EPHA4: variants seen among roughly 807,000 people sequenced by gnomAD.
EPHA4 encodes ephrin type-A receptor 4.
Under a neutral mutation model 108.3 loss-of-function variants are expected in EPHA4, and 19 were observed. That is an observed-to-expected ratio of 0.18 (90% CI 0.12 to 0.26). The LOEUF is 0.26. Among genes scored for constraint, EPHA4 ranks in the 10% least tolerant of loss-of-function variants. EPHA4 has a pLI of 1.00. For synonymous variants in EPHA4, 449 were observed against 455.5 expected (o/e 0.99, Z 0.18); for missense variants, 917 against 1,254.0 (o/e 0.73, Z 4.06).
At chr2:221,544,112 A>G (rs1019567589) in intron 3 of EPHA4, among the ~76,000 whole-genome samples, 51 of 152,102 alleles carry the variant, frequency 3.4e-4, no homozygotes, top group African/African-American at 1.2e-3. Context: ...CATGACCTAA[A>G]CGCCAACCAA....
intron 5 of EPHA4, among the ~76,000 whole-genome samples, chr2:221,472,889 A>G (rs1691534027): frequency 6.6e-6 from 1 of 152,198 alleles, no homozygotes; most frequent in Non-Finnish European, 1.5e-5. Flanking sequence ...GTTCGTTTAG[A>G]TCAGGCCTAC....
chr2:221,561,485 A>G (rs1458038444), intron 3 of EPHA4, among the ~76,000 whole-genome samples: 1 of 152,154 alleles, frequency 6.6e-6, no homozygotes, highest in East Asian at 1.9e-4. Flanking sequence ...ACACCTGAAA[A>G]CACTGAAGTT....
At position 221,434,220 on chromosome 2, in the gene EPHA4, A is replaced by G; in HGVS notation, c.2418T>C (p.Asp806=). The change falls in exon 14 of 18, where the codon GAT becomes GAC. Residue 806 remains aspartate (D), a synonymous_variant. Transcript: ENST00000281821. Reference sequence around the variant, plus strand: ...ACATAACGATTCCATAGCTCCATACATCACTTGCTGATGTGAATTTACGAT... The same window carrying G: ...ACATAACGATTCCATAGCTCCATACGTCACTTGCTGATGTGAATTTACGAT... The part of the protein sequence containing the change: ...IAYRKFTSAS[D]VWSYGIVMWE... 3 of 1,614,138 alleles carry G rather than the reference A, an allele frequency of 1.9e-6. No homozygotes were observed. The highest frequency in any genetic ancestry group is 1.7e-6 in the Non-Finnish European group (2 of 1,180,006).
chr2:221,519,478 G>A (rs752859646), intron 3 of EPHA4, among the ~76,000 whole-genome samples: 3 of 152,222 alleles, frequency 2.0e-5, no homozygotes, highest in Admixed American at 6.5e-5. Flanking sequence ...GTTGAGATGA[G>A]AAAGGGGCAA....
chr2:221,502,538 A>G (rs903991771), intron 3 of EPHA4: 2 of 471,404 alleles, frequency 4.2e-6, no homozygotes, highest in Non-Finnish European at 8.8e-6. Context: ...TGAAATGAGT[A>G]CTAGAAAGAG....
intron 14 of EPHA4, among the ~76,000 whole-genome samples, chr2:221,432,125 T>C (rs1690093850): frequency 7.1e-6 from 1 of 140,290 alleles, no homozygotes. Context: ...TATATATATA[T>C]TGTTTTTTTA....
chr2:221,473,519 T>C (rs550352643), intron 5 of EPHA4, among the ~76,000 whole-genome samples: 5 of 135,538 alleles, frequency 3.7e-5, no homozygotes, highest in Admixed American at 8.4e-5. Context: ...ATAAGTCCTG[T>C]GCATGGCTTT....
intron 3 of EPHA4, among the ~76,000 whole-genome samples, chr2:221,560,971 G>A (rs371782869): frequency 1.3e-5 from 2 of 152,136 alleles, no homozygotes; most frequent in Admixed American, 6.5e-5. Context: ...GGCTGGGCGC[G>A]GTGGCTCACG....
Position 221,426,496 on chromosome 2 carries a change from G to A in EPHA4, c.2814C>T (p.Thr938=). 1.2e-6 allele frequency: 2 copies of A among 1,613,564 alleles called. No homozygotes were observed. The highest frequency in any genetic ancestry group is 1.7e-6 in the Non-Finnish European group (2 of 1,179,902). ...TCACGTGCACCACAGCCTCTAGTGT[G>A]GTATAACCAGCAGCTGTGAAGTTAT... The part of the protein sequence containing the change: ...YKDNFTAAGY[T]TLEAVVHVNQ... The change falls in exon 16 of 18, where the codon ACC becomes ACT. Residue 938 remains threonine (T), a synonymous_variant. Transcript: ENST00000281821.
chr2:221,516,124 T>G (rs1311848444), intron 3 of EPHA4, among the ~76,000 whole-genome samples: 1 of 152,132 alleles, frequency 6.6e-6, no homozygotes, highest in Non-Finnish European at 1.5e-5. Flanking sequence ...CAGGAATCCG[T>G]TCCCTGCTAT....
intron 5 of EPHA4, among the ~76,000 whole-genome samples, chr2:221,475,466 C>A (rs1217769283): frequency 6.6e-6 from 1 of 152,178 alleles, no homozygotes; most frequent in Non-Finnish European, 1.5e-5. Flanking sequence ...ACATCCTTTG[C>A]CAAAACAATA....
chr2:221,564,361 T>C lies in EPHA4; in HGVS notation c.193A>G (p.Thr65Ala). Residue 65 changes from threonine to alanine, a missense_variant, in exon 3 of 18, where the codon ACA (threonine) becomes GCA (alanine). Around this residue, in one of 3 missense-constraint regions of EPHA4, gnomAD observed 758 missense variants for 1,076.7 expected, o/e 0.70. Transcript: ENST00000281821. ...CACACTTGGTAGGTTCGGATTGGTG[T>C]ATTTTTTTCATCCATGATACTCACT... ...EEVSIMDEKN[T>A]PIRTYQVCNV... is the part of the protein sequence containing the mutation. The C allele has an allele frequency of 1.2e-6, 2 of 1,612,868 alleles. No individual in the cohort carries two copies. Among genetic ancestry groups the C allele is most frequent in the Non-Finnish European group, 1.7e-6 (2 of 1,178,916 alleles).
intron 4 of EPHA4, among the ~76,000 whole-genome samples, chr2:221,487,085 A>G (rs1349886025): frequency 1.3e-5 from 2 of 152,208 alleles, no homozygotes; most frequent in Non-Finnish European, 2.9e-5. Flanking sequence ...AGGGCTATAT[A>G]TAAAATATTA....
intron 4 of EPHA4, among the ~76,000 whole-genome samples, chr2:221,484,251 A>G (rs1200621332): frequency 1.3e-5 from 2 of 152,198 alleles, no homozygotes; most frequent in African/African-American, 4.8e-5. Flanking sequence ...CATATTCAAT[A>G]TTTATTACAT....
At chr2:221,512,595 A>G (rs915026013) in intron 3 of EPHA4, among the ~76,000 whole-genome samples, 1 of 152,202 alleles carries the variant, frequency 6.6e-6, no homozygotes, top group African/African-American at 2.4e-5. Context: ...CTGATTACAG[A>G]TAACAGGTCA....
At chr2:221,550,114 G>T (rs1284501547) in intron 3 of EPHA4, among the ~76,000 whole-genome samples, 1 of 152,152 alleles carries the variant, frequency 6.6e-6, no homozygotes, top group African/African-American at 2.4e-5. Flanking sequence ...CCAAATCAAA[G>T]AACTTATCCA....
rs373979925 is a variant in EPHA4, at chr2:221,425,719, T to C, written c.*309A>G. Reference sequence around the variant, plus strand: ...CAGAAGCTCAGTGTCTGGCAGCAAATACAGCATCAAAACTCAGAGGCAGTG... The same window carrying C: ...CAGAAGCTCAGTGTCTGGCAGCAAACACAGCATCAAAACTCAGAGGCAGTG... On this transcript the variant is annotated 3_prime_UTR_variant, in exon 17 of 18. Transcript: ENST00000281821. 6 of 248,482 alleles carry C rather than the reference T, an allele frequency of 2.4e-5. No homozygotes were observed. The highest frequency in any genetic ancestry group is 9.0e-5 in the African/African-American group (4 of 44,518). 15.4% of individuals were successfully genotyped at this position (248,482 alleles called of 1,614,324 possible).
intron 3 of EPHA4, among the ~76,000 whole-genome samples, chr2:221,503,836 T>C (rs75202204): frequency 0.016 from 2,435 of 152,228 alleles, 59 homozygotes; most frequent in East Asian, 0.077. Context: ...CAAAATATAG[T>C]AGTGGCTTTT....
intron 3 of EPHA4, among the ~76,000 whole-genome samples, chr2:221,560,952 T>C (rs1395410043): frequency 1.3e-5 from 2 of 152,126 alleles, no homozygotes; most frequent in African/African-American, 4.8e-5. Flanking sequence ...CTTTTAAAAG[T>C]CTCACTCTGG....
Sources: allele counts gnomAD v4.1 joint callset (sites outside exome capture counted in the v4.1 genomes callset), GRCh38; gene constraint gnomAD v4.1.1; regional missense constraint gnomAD v4.1.1; transcripts MANE v1.5; gene names NCBI Gene and HGNC (gene_info 2026-07-23, HGNC 2026-07-21).